Variants in NELL2 observed in about 807,000 individuals in gnomAD.
The protein encoded by NELL2 is neural EGFL like 2, also known as protein kinase C-binding protein NELL2.
NELL2 carries 41 observed loss-of-function variants against 109.6 expected under a neutral mutation model. The ratio of observed to expected loss-of-function variants is 0.37; its 90% CI spans 0.29 to 0.49. NELL2 has a LOEUF of 0.49. Among genes scored for constraint, NELL2 ranks in the 20% least tolerant of loss-of-function variants. NELL2 has a pLI of 0.98. For missense variants in NELL2, 900 were observed against 1,008.3 expected (o/e 0.89, Z 1.45); for synonymous variants, 355 against 344.7 (o/e 1.03, Z -0.33).
At chr12:44,741,882 G>A (rs1428461072) in intron 9 of NELL2, among the ~76,000 whole-genome samples, 1 of 152,210 alleles carries the variant, frequency 6.6e-6, no homozygotes, top group Non-Finnish European at 1.5e-5. Flanking sequence ...CACCTCTGTG[G>A]GCAGGGCACA....
intron 3 of NELL2, among the ~76,000 whole-genome samples, chr12:44,796,775 G>A (rs1230704364): frequency 6.6e-6 from 1 of 152,042 alleles, no homozygotes; most frequent in Non-Finnish European, 1.5e-5. Flanking sequence ...AAGATCAGTA[G>A]CAAATTGAAT....
At chr12:44,574,186 C>T (rs1439476971) in intron 15 of NELL2, among the ~76,000 whole-genome samples, 2 of 152,094 alleles carry the variant, frequency 1.3e-5, no homozygotes, top group African/African-American at 4.8e-5. Flanking sequence ...TCACTGCAAC[C>T]TCCAGCCCCC....
intron 15 of NELL2, among the ~76,000 whole-genome samples, chr12:44,595,593 A>ATTT (rs57566164): frequency 1.6e-5 from 2 of 121,328 alleles, no homozygotes; most frequent in Admixed American, 8.5e-5. Context: ...CACCCAGCTA[A>ATTT]TTTTTTTTTT....
chr12:44,915,419 T>C (rs867478357), upstream of NELL2, among the ~76,000 whole-genome samples: 4 of 152,310 alleles, frequency 2.6e-5, no homozygotes, highest in Middle Eastern at 0.01. Flanking sequence ...TCTCAGTAAA[T>C]GAAGCAAATT....
chr12:44,848,773 T>C (rs1159913540), intron 2 of NELL2, among the ~76,000 whole-genome samples: 1 of 152,166 alleles, frequency 6.6e-6, no homozygotes, highest in Non-Finnish European at 1.5e-5. Context: ...CTTTAAGCAG[T>C]GGTCACAGGA....
rs138340550 is a variant in NELL2 at position 44,786,666 on chromosome 12, C to T, written c.336-6644G>A. 2.3e-3 allele frequency among the ~76,000 whole-genome samples: 345 copies of T among 152,214 alleles called. 10 individuals are homozygous for T. In the East Asian group the frequency reaches 0.049, roughly 22 times the overall value. ...GATAGACTGGATAAAGAAAATGTGG[C>T]ATATATACACCACGGATTACTATGC... On this transcript the variant is annotated intron_variant, in intron 3 of 19. Coordinates refer to ENST00000429094, the MANE Select transcript of NELL2 (RefSeq NM_001145108.2).
At chr12:44,606,931 T>C (rs368302558) in intron 15 of NELL2, among the ~76,000 whole-genome samples, 2 of 152,144 alleles carry the variant, frequency 1.3e-5, no homozygotes, top group African/African-American at 4.8e-5. Flanking sequence ...CACATGTTTC[T>C]GAAAAGTTCA....
rs997756765 is a variant in NELL2, at chr12:44,876,215, C to G, written c.-346G>C. ...ATAAAAGCAGCCAAAGACTCGCACA[C>G]CCGGTAGAAGGGGGGCGGCCCCAAG... is the stretch of plus-strand genomic sequence containing the variant. On this transcript the variant is annotated 5_prime_UTR_variant, in exon 1 of 20. Coordinates refer to ENST00000429094, the MANE Select transcript of NELL2 (RefSeq NM_001145108.2). The G allele has an allele frequency of 1.3e-5, 16 of 1,192,626 alleles. No individual in the cohort carries two copies. Among genetic ancestry groups the G allele is most frequent in the Middle Eastern group, 6.9e-4 (2 of 2,894 alleles). 73.9% of individuals were successfully genotyped at this position (1,192,626 alleles called of 1,614,324 possible).
intron 12 of NELL2, among the ~76,000 whole-genome samples, chr12:44,701,632 T>C (rs1949233511): frequency 6.6e-6 from 1 of 152,158 alleles, no homozygotes; most frequent in East Asian, 1.9e-4. Context: ...TACACCACAA[T>C]AAACTAACTG....
At chr12:44,701,211 A>C (rs118039211) in intron 12 of NELL2, among the ~76,000 whole-genome samples, 4,433 of 152,248 alleles carry the variant, frequency 0.029, 83 homozygotes, top group Middle Eastern at 0.061. Context: ...AATCCTGAAT[A>C]ATATTGTTAT....
intron 3 of NELL2, among the ~76,000 whole-genome samples, chr12:44,791,192 A>ATGATGTG (rs1942411550): frequency 2.5e-5 from 1 of 40,786 alleles, no homozygotes; most frequent in Non-Finnish European, 5.6e-5. Flanking sequence ...TCATATATAT[A>ATGATGTG]TATATATATA....
At chr12:44,764,818 C>A (rs186587790) in intron 9 of NELL2, among the ~76,000 whole-genome samples, 9 of 151,754 alleles carry the variant, frequency 5.9e-5, no homozygotes, top group Admixed American at 4.6e-4. Flanking sequence ...CATATCCTGA[C>A]ATCTTACTGC....
intron 13 of NELL2, among the ~76,000 whole-genome samples, chr12:44,622,051 A>G (rs1303483169): frequency 1.3e-5 from 2 of 152,260 alleles, no homozygotes; most frequent in Non-Finnish European, 2.9e-5. Context: ...GAACCCTCAC[A>G]TCTTGCCGTT....
chr12:44,918,026 C>T (rs1030090039), upstream of NELL2, among the ~76,000 whole-genome samples: 1 of 152,190 alleles, frequency 6.6e-6, no homozygotes, highest in Admixed American at 6.5e-5. Context: ...GAGTCCTTTC[C>T]TCTTGAAAAT....
chr12:44,803,596 C>A (rs1334802334), intron 3 of NELL2, among the ~76,000 whole-genome samples: 1 of 151,848 alleles, frequency 6.6e-6, no homozygotes, highest in African/African-American at 2.4e-5. Flanking sequence ...AGGTTTGCAG[C>A]TATTTCAATT....
chr12:44,573,850 A>T (rs1011960675), intron 15 of NELL2, among the ~76,000 whole-genome samples: 2 of 152,170 alleles, frequency 1.3e-5, no homozygotes, highest in African/African-American at 4.8e-5. Flanking sequence ...AAAGATTTTA[A>T]CTGTACACAG....
chr12:44,631,736 G>T (rs867631707), intron 13 of NELL2, among the ~76,000 whole-genome samples: 1 of 152,014 alleles, frequency 6.6e-6, no homozygotes, highest in Non-Finnish European at 1.5e-5. Context: ...ATGATGAATA[G>T]GTTAGTAAAT....
intron 9 of NELL2, among the ~76,000 whole-genome samples, chr12:44,721,591 T>A (rs1719317226): frequency 6.6e-6 from 1 of 151,978 alleles, no homozygotes. Flanking sequence ...TACAGGAACA[T>A]CGTCTTTGGT....
chr12:44,599,712 A>T (rs1220135325), intron 15 of NELL2, among the ~76,000 whole-genome samples: 1 of 152,202 alleles, frequency 6.6e-6, no homozygotes, highest in Non-Finnish European at 1.5e-5. Context: ...AACTCTTCAG[A>T]TTCAGTCGTC....
Sources: gnomAD v4.1 joint callset for allele counts (sites outside exome capture counted in the v4.1 genomes callset) on GRCh38, gnomAD v4.1.1 for gene constraint, MANE v1.5 for transcripts, NCBI Gene and HGNC (gene_info 2026-07-23, HGNC 2026-07-21) for gene names.